The following KRT6B variants were observed in gnomAD, a reference collection of about 807,000 sequenced individuals.
The protein encoded by KRT6B is keratin, type II cytoskeletal 6B.
A neutral mutation model predicts 44.7 loss-of-function variants in KRT6B; 29 were observed. The observed-to-expected ratio is 0.65, with a 90% CI of 0.48 to 0.88. The LOEUF is 0.88. Ranked by LOEUF, KRT6B falls within the 40% of genes least tolerant of loss-of-function variation. KRT6B has a pLI of 0.00. For synonymous variants in KRT6B, 213 were observed against 296.0 expected (o/e 0.72, Z 2.88); for missense variants, 600 against 724.0 (o/e 0.83, Z 1.97).
rs200904701 is a variant in KRT6B, at chr12:52,449,004, G to A, written c.1078-37C>T. ...AGGTGGAGAGAGAGACAGTGTCTACGGGTTCTTACCTGGGAGCGATGACTT... is the reference window on the plus strand; with the variant it reads ...AGGTGGAGAGAGAGACAGTGTCTACAGGTTCTTACCTGGGAGCGATGACTT... On this transcript the variant is annotated intron_variant, in intron 5 of 8. Coordinates refer to ENST00000252252, the MANE Select transcript of KRT6B (RefSeq NM_005555.4). 58 of 1,607,262 alleles carry A rather than the reference G, an allele frequency of 3.6e-5. No homozygotes were observed. In the African/African-American group the frequency reaches 3.9e-4, roughly 11 times the overall value.
chr12:52,447,107 G>T lies in KRT6B; in HGVS notation c.*83C>A. On this transcript the variant is annotated 3_prime_UTR_variant, in exon 9 of 9. Coordinates refer to ENST00000252252, the MANE Select transcript of KRT6B (RefSeq NM_005555.4). ...GAGGGCAGGGGAGACTGGAGGCCAG[G>T]GGAGGACAAGCAACCTGAGGAGAGG... 6.4e-7 allele frequency: 1 copy of T among 1,572,196 alleles called. No homozygotes were observed.
Position 52,450,415 on chromosome 12 carries a change from A to G in KRT6B, c.746T>C (p.Leu249Pro). The G allele has an allele frequency of 6.2e-7, 1 of 1,614,132 alleles. No individual in the cohort carries two copies. The highest frequency in any genetic ancestry group is 8.5e-7 in the Non-Finnish European group (1 of 1,180,030). The change falls in exon 2 of 9, where the codon CTC becomes CCC. Residue 249 changes from leucine (L) to proline (P), a missense_variant. Transcript: ENST00000252252. ...LRNMQDLVED[L>P]KNKYEDEINK... ...GAAATGGAGTCCTCACTTGTTCTTG[A>G]GGTCCTCCACCAGGTCCTGCATGTT...
rs773238660 is a variant in KRT6B at position 52,447,535 on chromosome 12, T to A, written c.1459+4A>T. 1.2e-6 allele frequency: 2 copies of A among 1,613,854 alleles called. No homozygotes were observed. Among genetic ancestry groups the A allele is most frequent in the Non-Finnish European group, 1.7e-6 (2 of 1,179,886 alleles). On this transcript the variant is annotated splice_donor_region_variant and intron_variant, in intron 8 of 8. Transcript: ENST00000252252. ...AGGGGAGGAAGGCAAACAAAGGTAC[T>A]TACAGATGTTGACTTGTCCAACGCC...
rs368725862 is a variant in KRT6B, at chr12:52,450,417, G to A, written c.744C>T (p.Asp248=). 9.9e-6 allele frequency: 16 copies of A among 1,613,598 alleles called. No homozygotes were observed. In the African/African-American group the frequency reaches 1.6e-4, roughly 16 times the overall value. The change falls in exon 2 of 9, where the codon GAC becomes GAT. Residue 248 remains aspartate, a synonymous_variant. Transcript: ENST00000252252. The part of the protein sequence containing the change: ...ELRNMQDLVE[D]LKNKYEDEIN... ...AATGGAGTCCTCACTTGTTCTTGAG[G>A]TCCTCCACCAGGTCCTGCATGTTTC... is the stretch of plus-strand genomic sequence containing the variant.
intron 6 of KRT6B, 49 bp from the exon 7 acceptor site, chr12:52,448,047 A>G: frequency 1.9e-6 from 3 of 1,612,590 alleles, no homozygotes; most frequent in Non-Finnish European, 2.5e-6. Flanking sequence ...TCTTCCAGAG[A>G]AGAATAAACC....
At chr12:52,448,174 C>T (rs1430411451) in intron 6 of KRT6B, among the ~76,000 whole-genome samples, 176 bp from the exon 7 acceptor site, 4 of 152,172 alleles carry the variant, frequency 2.6e-5, no homozygotes, top group African/African-American at 9.7e-5. Flanking sequence ...TCTGGAGTCA[C>T]ATGATAAAAT....
chr12:52,449,460 C>A lies in KRT6B; in HGVS notation c.1077+9G>T. 1 of 1,614,222 alleles carries A rather than the reference C, an allele frequency of 6.2e-7. No individual in the cohort carries two copies. Among genetic ancestry groups the A allele is most frequent in the Non-Finnish European group, 8.5e-7 (1 of 1,180,046 alleles). On this transcript the variant is annotated intron_variant, in intron 5 of 8. Coordinates refer to ENST00000252252, the MANE Select transcript of KRT6B (RefSeq NM_005555.4). ...AGGATTCCTCAGCGGCTGTCCACTC[C>A]GTGCTCACCTTTGTCTGGTACCAGG... is the stretch of plus-strand genomic sequence containing the variant.
chr12:52,449,499 C>A lies in KRT6B; in HGVS notation c.1047G>T (p.Arg349Ser), dbSNP rs1373466836. 10 of 1,614,048 alleles carry A rather than the reference C, an allele frequency of 6.2e-6. No individual in the cohort carries two copies. In the African/African-American group the frequency reaches 6.7e-5, roughly 11 times the overall value. The change falls in exon 5 of 9, where the codon AGG becomes AGT. Residue 349 changes from arginine (R) to serine (S), a missense_variant. Coordinates refer to ENST00000252252, the MANE Select transcript of KRT6B (RefSeq NM_005555.4). ...AQYEEIAQRSRAEAESWYQTK... is the reference protein window; with the variant it reads ...AQYEEIAQRSSAEAESWYQTK... ...TCTGGTACCAGGACTCAGCCTCAGCCCTGCTCCTCTGAGCAATCTCCTCAT... is the reference window on the plus strand; with the variant it reads ...TCTGGTACCAGGACTCAGCCTCAGCACTGCTCCTCTGAGCAATCTCCTCAT...
rs751554113 is a variant in KRT6B at position 52,448,922 on chromosome 12, G to T, written c.1123C>A (p.Arg375Ser). 8 of 1,613,584 alleles carry T rather than the reference G, an allele frequency of 5.0e-6. No homozygotes were observed. Among genetic ancestry groups the T allele is most frequent in the Non-Finnish European group, 6.8e-6 (8 of 1,179,914 alleles). ...TCAGCAATCTCCTGCTTGGTGTTGCGCAGGTCGTCCCCATGTCTGCCTGCT... is the reference window on the plus strand; with the variant it reads ...TCAGCAATCTCCTGCTTGGTGTTGCTCAGGTCGTCCCCATGTCTGCCTGCT... The part of the protein sequence containing the change: ...ITAGRHGDDL[R>S]NTKQEIAEIN... Residue 375 changes from arginine (R) to serine (S), a missense_variant, in exon 6 of 9, where the codon CGC (arginine) becomes AGC (serine). Transcript: ENST00000252252.
chr12:52,450,438 G>C lies in KRT6B; in HGVS notation c.723C>G (p.Asn241Lys), dbSNP rs550429613. Residue 241 changes from asparagine to lysine, a missense_variant, in exon 2 of 9, where the codon AAC (asparagine) becomes AAG (lysine). Transcript: ENST00000252252. Reference protein sequence around the residue: ...ERGRLDSELRNMQDLVEDLKN... With the variant: ...ERGRLDSELRKMQDLVEDLKN... ...TGAGGTCCTCCACCAGGTCCTGCAT[G>C]TTTCTCAGCTCCGAGTCCAGACGAC... The C allele has an allele frequency of 6.2e-7, 1 of 1,614,094 alleles. No individual in the cohort carries two copies. The highest frequency in any genetic ancestry group is 8.5e-7 in the Non-Finnish European group (1 of 1,180,056).
Position 52,450,451 on chromosome 12 carries a change from G to C in KRT6B, c.710C>G (p.Ser237Trp). The change falls in exon 2 of 9, where the codon TCG (serine) becomes TGG (tryptophan). Residue 237 changes from serine to tryptophan, a missense_variant. By Grantham distance (177) the Ser-to-Trp change is radical. Around this residue, in one of 4 missense-constraint regions of KRT6B, gnomAD observed 479 missense variants for 454.2 expected, o/e 1.05. Coordinates refer to ENST00000252252, the MANE Select transcript of KRT6B (RefSeq NM_005555.4). Reference protein sequence around the residue: ...NIVGERGRLDSELRNMQDLVE... With the variant: ...NIVGERGRLDWELRNMQDLVE... ...CAGGTCCTGCATGTTTCTCAGCTCC[G>C]AGTCCAGACGACCCCGTTCCCCCAC... 2 of 1,614,154 alleles carry C rather than the reference G, an allele frequency of 1.2e-6. No individual in the cohort carries two copies. The highest frequency in any genetic ancestry group is 1.7e-6 in the Non-Finnish European group (2 of 1,180,042).
Position 52,446,822 on chromosome 12 carries a change from TAATGGG to T in KRT6B, c.*362_*367del. On this transcript the variant is annotated 3_prime_UTR_variant, in exon 9 of 9. Coordinates refer to ENST00000252252, the MANE Select transcript of KRT6B (RefSeq NM_005555.4). Reference sequence around the variant, plus strand: ...AGATGAGAACTCCTGAGTGTAGCTATAATGGGCAGGATGGTTAGCAATTAAAGAGAG... The same window carrying T: ...AGATGAGAACTCCTGAGTGTAGCTATCAGGATGGTTAGCAATTAAAGAGAG... The T allele has an allele frequency of 3.1e-6, 1 of 321,440 alleles. No homozygotes were observed. Among genetic ancestry groups the T allele is most frequent in the South Asian group, 3.9e-5 (1 of 25,516 alleles). The allele number at this position is 321,440 out of a possible 1,614,324, so 19.9% of individuals were successfully genotyped here. A position where few individuals can be genotyped will look rare whatever the true frequency, so the allele number is the denominator to read the frequency against.
At chr12:52,447,650 G>A (rs1940332687) in intron 7 of KRT6B, 77 bp from the exon 8 acceptor site, 2 of 1,613,884 alleles carry the variant, frequency 1.2e-6, no homozygotes, top group Admixed American at 1.7e-5. Context: ...GAAAGTCCAT[G>A]GGAAAACTTT....
rs75893729 is a variant in KRT6B, at chr12:52,447,080, G to A, written c.*110C>T. 8.6e-6 allele frequency: 12 copies of A among 1,392,540 alleles called. No individual in the cohort carries two copies. Among genetic ancestry groups the A allele is most frequent in the African/African-American group, 5.7e-5 (4 of 69,714 alleles). 86.3% of individuals were successfully genotyped at this position (1,392,540 alleles called of 1,614,324 possible). On this transcript the variant is annotated 3_prime_UTR_variant, in exon 9 of 9. Transcript: ENST00000252252. ...AAGTGAGGGCATCCCAGCTCTACCC[G>A]GGAGGGCAGGGGAGACTGGAGGCCA...
chr12:52,448,746 CAATT>C, intron 6 of KRT6B, 92 bp downstream of exon 6: 1 of 1,601,494 alleles, frequency 6.2e-7, no homozygotes, highest in Non-Finnish European at 8.5e-7. Flanking sequence ...GCTTATCAAT[CAATT>C]CCCAAAGAAT....
rs747495865 is a variant in KRT6B, at chr12:52,447,208, C to T, written c.1677G>A (p.Arg559=). The T allele has an allele frequency of 9.3e-6, 15 of 1,614,090 alleles. No individual in the cohort carries two copies. The Admixed American group carries it at 1.3e-4, about 14-fold the overall frequency. The change falls in exon 9 of 9, where the codon AGG becomes AGA. Residue 559 remains arginine, a synonymous_variant. Transcript: ENST00000252252. ...CAGCACTTCAGTGCTTGTAGCTCTT[C>T]CTGCTGGAGGAGGAGGTGGTGGTGT... The part of the protein sequence containing the change: ...IKYTTTSSSS[R]KSYKH
At chr12:52,447,697 C>A in intron 7 of KRT6B, 81 bp downstream of exon 7, 1 of 1,613,968 alleles carries the variant, frequency 6.2e-7, no homozygotes. Context: ...TGGCCTTGGG[C>A]AGTGCACCTT....
In KRT6B at chr12:52,450,379, G is replaced by A. The variant is rs751992614; in HGVS notation, c.755+27C>T. On this transcript the variant is annotated intron_variant, in intron 2 of 8. Transcript: ENST00000252252. ...CCTGGTCACCCAATAGTCTTGAAGT[G>A]TGTGCTGCAGGAAATGGAGTCCTCA... is the stretch of plus-strand genomic sequence containing the variant. 6 of 1,603,332 alleles carry A rather than the reference G, an allele frequency of 3.7e-6. No individual in the cohort carries two copies. In the African/African-American group the frequency reaches 5.4e-5, roughly 14 times the overall value.
At position 52,450,874 on chromosome 12, in the gene KRT6B, T is replaced by G. The variant is rs372559053; in HGVS notation, c.541-254A>C. ...ATTGATCATCAGTGAGTTTCAACATTTCTTCTTTTCTTTTTCCAAGCACAA... is the reference window on the plus strand; with the variant it reads ...ATTGATCATCAGTGAGTTTCAACATGTCTTCTTTTCTTTTTCCAAGCACAA... On this transcript the variant is annotated intron_variant, in intron 1 of 8. Transcript: ENST00000252252. Among the ~76,000 whole-genome samples, 6 of 152,256 alleles carry G rather than the reference T, an allele frequency of 3.9e-5. No homozygotes were observed. The East Asian group carries it at 9.6e-4, about 24-fold the overall frequency.
Sources: allele counts gnomAD v4.1 joint callset (sites outside exome capture counted in the v4.1 genomes callset), GRCh38; gene constraint gnomAD v4.1.1; regional missense constraint gnomAD v4.1.1; transcripts MANE v1.5; gene names NCBI Gene and HGNC (gene_info 2026-07-23, HGNC 2026-07-21).